The following RRAGB variants were observed in gnomAD, a reference collection of about 807,000 sequenced individuals.
RRAGB encodes the protein Ras related GTP binding B.
A neutral mutation model predicts 29.3 loss-of-function variants in RRAGB; 6 were observed. The observed-to-expected ratio is 0.21, with a 90% CI of 0.11 to 0.40. The LOEUF is 0.40. RRAGB is among the 10% of genes least tolerant of loss of function. The pLI is 1.00. For synonymous variants in RRAGB, 101 were observed against 92.5 expected (o/e 1.09, Z -0.53); for missense variants, 184 against 272.9 (o/e 0.67, Z 2.29).
intron 9 of RRAGB, 46 bp downstream of exon 9, chrX:55,757,377 T>A: frequency 1.3e-6 from 1 of 742,887 alleles, no homozygotes; most frequent in Non-Finnish European, 2.0e-6. Context: ...ACATACTCTT[T>A]AAACAATTGT....
intron 6 of RRAGB, among the ~76,000 whole-genome samples, chrX:55,753,061 T>C (rs1163000695): frequency 8.9e-6 from 1 of 112,297 alleles, no homozygotes; most frequent in Non-Finnish European, 1.9e-5. Flanking sequence ...AGGAGCTTTT[T>C]AACAAAGTAG....
At chrX:55,746,631 T>C (rs1831786249) in intron 5 of RRAGB, among the ~76,000 whole-genome samples, 1 of 112,315 alleles carries the variant, frequency 8.9e-6, no homozygotes, top group African/African-American at 3.2e-5. Flanking sequence ...GCAGGTTTGG[T>C]GAGTAGGCCT....
intron 2 of RRAGB, among the ~76,000 whole-genome samples, chrX:55,720,863 G>A (rs1018746064): frequency 2.7e-5 from 3 of 110,691 alleles, no homozygotes; most frequent in Non-Finnish European, 3.8e-5. Flanking sequence ...GGATGATAGA[G>A]TGAGACTTGG....
intron 1 of RRAGB, 90 bp downstream of exon 1, chrX:55,718,509 C>A: frequency 1.9e-6 from 1 of 536,742 alleles, no homozygotes; most frequent in South Asian, 4.2e-5. Flanking sequence ...CCACCCCGCA[C>A]CATGATAAAT....
intron 5 of RRAGB, among the ~76,000 whole-genome samples, chrX:55,737,366 T>C (rs2033900271): frequency 8.9e-6 from 1 of 112,601 alleles, no homozygotes; most frequent in African/African-American, 3.2e-5. Flanking sequence ...TGTGGAGATG[T>C]AGTCACCCTG....
chrX:55,733,131 G>A (rs925667099), intron 5 of RRAGB, among the ~76,000 whole-genome samples: 7 of 110,693 alleles, frequency 6.3e-5, no homozygotes, highest in Admixed American at 1.9e-4. Context: ...CAACCTCCCC[G>A]TTTCTGTGTC....
chrX:55,720,886 T>A (rs1340032791), intron 2 of RRAGB, among the ~76,000 whole-genome samples: 1 of 110,201 alleles, frequency 9.1e-6, no homozygotes, highest in Non-Finnish European at 1.9e-5. Flanking sequence ...TCAAAAAAAA[T>A]AAAATAAAAA....
In RRAGB at chrX:55,734,769, A is replaced by G. The variant is rs754678794; in HGVS notation, c.516+3183A>G. ...CCTTTTGATGTAGGCATTTAGTGCA[A>G]TAAACTTTGATCTTAGCACTGCTTT... is the stretch of plus-strand genomic sequence containing the variant. On this transcript the variant is annotated intron_variant, in intron 5 of 9. Transcript: ENST00000374941. Among the ~76,000 whole-genome samples, 6 of 112,222 alleles carry G rather than the reference A, an allele frequency of 5.3e-5. No homozygotes were observed. The East Asian group carries it at 8.4e-4, about 16-fold the overall frequency.
intron 6 of RRAGB, among the ~76,000 whole-genome samples, chrX:55,753,016 C>A (rs999990731): frequency 8.9e-6 from 1 of 111,973 alleles, no homozygotes; most frequent in Non-Finnish European, 1.9e-5. Flanking sequence ...TTAGAGAAAT[C>A]TACACTGTTG....
At chrX:55,751,261 C>T (rs2034518567) in intron 6 of RRAGB, 65 bp downstream of exon 6, 4 of 587,759 alleles carry the variant, frequency 6.8e-6, no homozygotes, top group Non-Finnish European at 7.9e-6. Flanking sequence ...AGGATATTAA[C>T]AAACCTAAAA....
chrX:55,735,956 A>G (rs2033850627), intron 5 of RRAGB, among the ~76,000 whole-genome samples: 1 of 112,308 alleles, frequency 8.9e-6, no homozygotes, highest in African/African-American at 3.2e-5. Flanking sequence ...TTGGCTTGTA[A>G]GGTTTCTGCT....
At chrX:55,754,309 C>G (rs762878927) in intron 7 of RRAGB, among the ~76,000 whole-genome samples, 2 of 112,374 alleles carry the variant, frequency 1.8e-5, no homozygotes, top group Non-Finnish European at 3.8e-5. Context: ...GTAAATTGAA[C>G]TTAGCAACTA....
intron 5 of RRAGB, among the ~76,000 whole-genome samples, chrX:55,746,863 CTCCTATCGGTA>C (rs2034264123): frequency 8.9e-6 from 1 of 112,357 alleles, no homozygotes; most frequent in South Asian, 3.7e-4. Flanking sequence ...GCTTAATGAG[CTCCTATCGGTA>C]AATTTAGCCT....
intron 3 of RRAGB, among the ~76,000 whole-genome samples, chrX:55,726,905 A>G (rs1396851497): frequency 9.0e-6 from 1 of 111,513 alleles, no homozygotes; most frequent in Non-Finnish European, 1.9e-5. Flanking sequence ...TCCAAATGGC[A>G]AATAAAATAA....
At chrX:55,735,489 T>C (rs927309794) in intron 5 of RRAGB, among the ~76,000 whole-genome samples, 3 of 112,554 alleles carry the variant, frequency 2.7e-5, no homozygotes, top group African/African-American at 9.7e-5. Context: ...CCATCTGCCT[T>C]AAGTCTATAA....
chrX:55,730,053 A>C (rs1279498307), intron 4 of RRAGB, among the ~76,000 whole-genome samples: 1 of 112,055 alleles, frequency 8.9e-6, no homozygotes, highest in Non-Finnish European at 1.9e-5. Flanking sequence ...ACAGTAGTGA[A>C]GGCAATGGTA....
intron 5 of RRAGB, among the ~76,000 whole-genome samples, chrX:55,747,403 C>T (rs2034280095): frequency 8.9e-6 from 1 of 111,865 alleles, no homozygotes. Context: ...AATTTGGTTT[C>T]ATCAGTCTCA....
At chrX:55,743,352 C>T (rs763282716) in intron 5 of RRAGB, among the ~76,000 whole-genome samples, 10 of 112,366 alleles carry the variant, frequency 8.9e-5, no homozygotes, top group African/African-American at 3.2e-4. Flanking sequence ...AATCAACCTG[C>T]CACCAGGTAC....
At chrX:55,729,522 T>C (rs2033600142) in intron 4 of RRAGB, among the ~76,000 whole-genome samples, 162 bp downstream of exon 4, 1 of 111,398 alleles carries the variant, frequency 9.0e-6, no homozygotes. Flanking sequence ...CTGACTTTTA[T>C]GGAATTGTGA....
Sources: allele counts gnomAD v4.1 joint callset (sites outside exome capture counted in the v4.1 genomes callset), GRCh38; gene constraint gnomAD v4.1.1; transcripts MANE v1.5; gene names NCBI Gene and HGNC (gene_info 2026-07-23, HGNC 2026-07-21).